Variants in TAF1B observed in about 807,000 individuals in gnomAD.
TAF1B encodes the protein TATA-box binding protein associated factor, RNA polymerase I subunit B, also known as TATA box-binding protein-associated factor RNA polymerase I subunit B.
In TAF1B, 61 loss-of-function variants were observed where a neutral mutation model predicts 83.9. The ratio of observed to expected loss-of-function variants is 0.73; its 90% CI spans 0.59 to 0.90. TAF1B has a LOEUF of 0.90. TAF1B is among the 40% of genes least tolerant of loss of function. The pLI, the probability that TAF1B is intolerant of heterozygous loss-of-function variation, is 0.00. For missense variants in TAF1B, 625 were observed against 677.0 expected, an observed-to-expected ratio of 0.92 and a Z score of 0.85; for synonymous variants, 221 against 224.6, an observed-to-expected ratio of 0.98 and a Z score of 0.14.
At chr2:9,932,795 C>G (rs954087934) in intron 14 of TAF1B, among the ~76,000 whole-genome samples, 1 of 151,516 alleles carries the variant, frequency 6.6e-6, no homozygotes, top group Non-Finnish European at 1.5e-5. Flanking sequence ...TTTACAGAGG[C>G]AGCAGGCCTT....
chr2:9,868,160 C>T, intron 5 of TAF1B, 116 bp from the exon 6 acceptor site: 1 of 1,036,890 alleles, frequency 9.6e-7, no homozygotes, highest in Non-Finnish European at 1.4e-6. Context: ...CAGGCAGTTG[C>T]AGTTTTCTAG....
intron 5 of TAF1B, among the ~76,000 whole-genome samples, chr2:9,865,574 GA>G (rs1189807442): frequency 1.3e-5 from 2 of 152,166 alleles, no homozygotes; most frequent in Non-Finnish European, 2.9e-5. Flanking sequence ...TTTCTTCGCA[GA>G]ATTGGAAAAA....
intron 14 of TAF1B, among the ~76,000 whole-genome samples, chr2:9,921,930 C>T (rs543366093): frequency 6.6e-6 from 1 of 152,218 alleles, no homozygotes; most frequent in Non-Finnish European, 1.5e-5. Context: ...TCAGTGTCTT[C>T]CTGTTAAAAA....
At chr2:9,843,817 G>GT in intron 1 of TAF1B, 1 of 372,362 alleles carries the variant, frequency 2.7e-6, no homozygotes, top group Non-Finnish European at 4.9e-6. Context: ...TTATGGGTGT[G>GT]TTTAAGGATG....
chr2:9,932,456 G>T (rs1409235944), intron 14 of TAF1B, among the ~76,000 whole-genome samples: 1 of 152,208 alleles, frequency 6.6e-6, no homozygotes, highest in Non-Finnish European at 1.5e-5. Flanking sequence ...GAGTTTGCTG[G>T]AAGTCCACTC....
intron 12 of TAF1B, 144 bp downstream of exon 12, chr2:9,913,393 C>T (rs1665591272): frequency 1.8e-6 from 1 of 542,326 alleles, no homozygotes; most frequent in East Asian, 3.0e-5. Context: ...CTCTAATTAA[C>T]TTTTCTCTTT....
intron 6 of TAF1B, among the ~76,000 whole-genome samples, chr2:9,875,452 T>G (rs544941205): frequency 1.2e-3 from 179 of 152,340 alleles, no homozygotes; most frequent in South Asian, 1.9e-3. Flanking sequence ...TACCCAAGAC[T>G]GGGTCATTTA....
chr2:9,877,535 A>G (rs529286625), intron 7 of TAF1B, among the ~76,000 whole-genome samples: 76 of 151,900 alleles, frequency 5.0e-4, no homozygotes, highest in African/African-American at 1.7e-3. Flanking sequence ...CTCTACCCTC[A>G]TTTGGATTGC....
chr2:9,857,284 C>G lies in TAF1B; in HGVS notation c.399+2863C>G, dbSNP rs1044018444. ...ACACAGTACACTAAAGTTTGAGAAG[C>G]ACTGGTGTAGATGAGAAGTGATGGT... On this transcript the variant is annotated intron_variant, in intron 5 of 14. Transcript: ENST00000263663. Among the ~76,000 whole-genome samples the G allele has an allele frequency of 2.5e-4, 38 of 152,224 alleles. 1 individual carries two copies. Among genetic ancestry groups the G allele is most frequent in the Middle Eastern group, 3.4e-3 (1 of 294 alleles).
chr2:9,852,072 T>C (rs1026447737), intron 4 of TAF1B: 13 of 470,528 alleles, frequency 2.8e-5, no homozygotes, highest in African/African-American at 2.4e-4. Flanking sequence ...TGGACAGCGA[T>C]ATGCTAAACC....
At chr2:9,890,426 G>A (rs1401668785) in intron 8 of TAF1B, among the ~76,000 whole-genome samples, 1 of 152,090 alleles carries the variant, frequency 6.6e-6, no homozygotes, top group Non-Finnish European at 1.5e-5. Context: ...GGTATTACCT[G>A]AACAGTTCTT....
chr2:9,933,739 G>A (rs974366082), intron 14 of TAF1B, 44 bp from the exon 15 acceptor site: 1 of 1,519,964 alleles, frequency 6.6e-7, no homozygotes, highest in Non-Finnish European at 9.0e-7. Context: ...TGCATTTCTT[G>A]GTTACCATCT....
chr2:9,926,611 G>A (rs1165005047), intron 14 of TAF1B, among the ~76,000 whole-genome samples: 1 of 152,010 alleles, frequency 6.6e-6, no homozygotes, highest in African/African-American at 2.4e-5. Context: ...GGCTGAGGTG[G>A]GTGGATCACC....
chr2:9,866,912 A>C (rs1314322450), intron 5 of TAF1B, among the ~76,000 whole-genome samples: 1 of 152,062 alleles, frequency 6.6e-6, no homozygotes, highest in Admixed American at 6.6e-5. Context: ...CAGGAAGGGG[A>C]ACATCCCATA....
At chr2:9,892,681 G>C (rs148746570) in intron 8 of TAF1B, among the ~76,000 whole-genome samples, 1 of 152,094 alleles carries the variant, frequency 6.6e-6, no homozygotes. Flanking sequence ...TTCATCCATC[G>C]ATGGACACTT....
At chr2:9,916,541 G>T (rs1283277258) in intron 12 of TAF1B, among the ~76,000 whole-genome samples, 3 of 152,180 alleles carry the variant, frequency 2.0e-5, no homozygotes, top group Non-Finnish European at 4.4e-5. Flanking sequence ...TTTAGATTAG[G>T]TATTCACAAG....
intron 5 of TAF1B, 106 bp from the exon 6 acceptor site, chr2:9,868,170 G>A: frequency 8.5e-7 from 1 of 1,175,152 alleles, no homozygotes; most frequent in South Asian, 1.5e-5. Context: ...CAGTTTTCTA[G>A]AGTGGTTTCT....
intron 8 of TAF1B, among the ~76,000 whole-genome samples, chr2:9,902,375 A>G (rs1665208483): frequency 6.6e-6 from 1 of 152,176 alleles, no homozygotes; most frequent in African/African-American, 2.4e-5. Flanking sequence ...CCAGCACCCC[A>G]GGAGCTCTGC....
At chr2:9,869,929 G>A (rs1264364023) in intron 6 of TAF1B, among the ~76,000 whole-genome samples, 3 of 151,966 alleles carry the variant, frequency 2.0e-5, no homozygotes, top group African/African-American at 4.8e-5. Flanking sequence ...AATGCAGATA[G>A]TCACGAAGAA....
Sources: gnomAD v4.1 joint callset for allele counts (sites outside exome capture counted in the v4.1 genomes callset) on GRCh38, gnomAD v4.1.1 for gene constraint, MANE v1.5 for transcripts, NCBI Gene and HGNC (gene_info 2026-07-23, HGNC 2026-07-21) for gene names.